The following SFI1 variants were observed in gnomAD, a reference collection of about 807,000 sequenced individuals.
SFI1 encodes the protein protein SFI1 homolog.
In SFI1, 195 loss-of-function variants were observed where a neutral mutation model predicts 207.5. That is an observed-to-expected ratio of 0.94 (90% CI 0.84 to 1.06). The LOEUF is 1.06. Ranked by LOEUF, SFI1 falls within the 50% of genes least tolerant of loss-of-function variation. The pLI, the probability that SFI1 is intolerant of heterozygous loss-of-function variation, is 0.00. For synonymous variants in SFI1, 630 were observed against 598.9 expected (o/e 1.05, Z -0.76); for missense variants, 1,634 against 1,588.0 (o/e 1.03, Z -0.49).
intron 6 of SFI1, among the ~76,000 whole-genome samples, chr22:31,554,946 T>C (rs1325723527): frequency 6.6e-6 from 1 of 152,176 alleles, no homozygotes; most frequent in East Asian, 1.9e-4. Context: ...GAAGTGTGTT[T>C]AGTTTTCTAA....
intron 1 of SFI1, among the ~76,000 whole-genome samples, chr22:31,506,777 A>G (rs964888016): frequency 1.3e-5 from 2 of 152,148 alleles, no homozygotes; most frequent in African/African-American, 4.8e-5. Flanking sequence ...AAAAATAATA[A>G]AATACCTAGG....
At chr22:31,584,775 G>A (rs1334156471) in intron 13 of SFI1, among the ~76,000 whole-genome samples, 1 of 152,030 alleles carries the variant, frequency 6.6e-6, no homozygotes, top group East Asian at 1.9e-4. Context: ...GAAAGTTCAG[G>A]ATATCTAGGG....
At chr22:31,603,038 G>T (rs1165286406) in intron 17 of SFI1, among the ~76,000 whole-genome samples, 4 of 152,192 alleles carry the variant, frequency 2.6e-5, no homozygotes, top group Non-Finnish European at 4.4e-5. Flanking sequence ...TTCGAGACCA[G>T]CCTGACCAAC....
chr22:31,497,954 C>T (rs896999300), intron 1 of SFI1, among the ~76,000 whole-genome samples: 4 of 152,172 alleles, frequency 2.6e-5, no homozygotes, highest in African/African-American at 9.7e-5. Context: ...CATTCTATAG[C>T]CCATGGTTCA....
chr22:31,582,202 CATTTTATATATA>C lies in SFI1; in HGVS notation c.1249-1672_1249-1661del, dbSNP rs1417237290. Reference sequence around the variant, plus strand: ...TTCCCCCAACAACACTTCTTTATTACATTTTATATATATATATATATATATATATATATATTT... The same window carrying C: ...TTCCCCCAACAACACTTCTTTATTACTATATATATATATATATATATATTT... On this transcript the variant is annotated intron_variant, in intron 12 of 32. Transcript: ENST00000400288. 4.8e-3 allele frequency among the ~76,000 whole-genome samples: 205 copies of C among 42,420 alleles called. 12 individuals are homozygous for C. Among genetic ancestry groups the C allele is most frequent in the Non-Finnish European group, 6.0e-3 (151 of 25,260 alleles). The allele number at this position is 42,420 out of a possible 152,430, so 27.8% of individuals were successfully genotyped here.
At chr22:31,586,010 A>G (rs988794335) in intron 14 of SFI1, among the ~76,000 whole-genome samples, 16 of 151,994 alleles carry the variant, frequency 1.1e-4, no homozygotes, top group African/African-American at 3.9e-4. Flanking sequence ...CTAGTTCCCT[A>G]TAGTTTGGGG....
At chr22:31,528,464 G>A (rs2058148199) in intron 2 of SFI1, among the ~76,000 whole-genome samples, 1 of 152,126 alleles carries the variant, frequency 6.6e-6, no homozygotes, top group Non-Finnish European at 1.5e-5. Context: ...ACTCCAGGGG[G>A]TGCCCTCCAG....
At chr22:31,522,064 C>CTTTTTTTT (rs752422385) in intron 2 of SFI1, among the ~76,000 whole-genome samples, 1 of 76,362 alleles carries the variant, frequency 1.3e-5, no homozygotes, top group Non-Finnish European at 2.4e-5. Context: ...TACACCTGGC[C>CTTTTTTTT]TTTTTTTTTT....
intron 7 of SFI1, among the ~76,000 whole-genome samples, chr22:31,560,723 A>C (rs988480314): frequency 1.2e-4 from 12 of 102,756 alleles, no homozygotes; most frequent in African/African-American, 4.3e-4. Context: ...TTTTCCCGAG[A>C]TGGAGTCTCA....
intron 10 of SFI1, among the ~76,000 whole-genome samples, chr22:31,576,027 CT>C (rs543573453): frequency 1.8e-3 from 258 of 142,042 alleles, no homozygotes; most frequent in Middle Eastern, 3.6e-3. Context: ...TGTACATATT[CT>C]TTTTTTTTTT....
rs1022314382 is a variant in SFI1, at chr22:31,496,647, C to T, written c.-31+10C>T. ...GGCTCGGCTTCCCCAGGTACGAGGC[C>T]CGGCCCTAACGTCCCCACCCTCTTC... is the stretch of plus-strand genomic sequence containing the variant. On this transcript the variant is annotated intron_variant, in intron 1 of 32. Transcript: ENST00000400288. The T allele has an allele frequency of 2.0e-5, 3 of 152,302 alleles. No individual in the cohort carries two copies. The highest frequency in any genetic ancestry group is 4.4e-5 in the Non-Finnish European group (3 of 68,098). The allele number at this position is 152,302 out of a possible 1,614,324, so 9.4% of individuals were successfully genotyped here. A position where few individuals can be genotyped will look rare whatever the true frequency, so the allele number is the denominator to read the frequency against.
chr22:31,597,332 G>T (rs1400544168), intron 15 of SFI1, among the ~76,000 whole-genome samples: 1 of 152,200 alleles, frequency 6.6e-6, no homozygotes, highest in Non-Finnish European at 1.5e-5. Flanking sequence ...GCAGGACGGT[G>T]TAGGCCTGAT....
At chr22:31,618,283 C>T (rs756928955) in intron 32 of SFI1, 31 bp from the exon 33 acceptor site, 2 of 1,605,178 alleles carry the variant, frequency 1.2e-6, no homozygotes, top group Non-Finnish European at 1.7e-6. Flanking sequence ...TGTGCTCCCT[C>T]TCAGCCCTGC....
At chr22:31,510,411 G>GT (rs1373563598) in intron 2 of SFI1, among the ~76,000 whole-genome samples, 3 of 151,662 alleles carry the variant, frequency 2.0e-5, no homozygotes, top group African/African-American at 7.3e-5. Context: ...ACTTGTTAGA[G>GT]ATCTATTAGG....
intron 2 of SFI1, among the ~76,000 whole-genome samples, chr22:31,522,986 T>C (rs1437844261): frequency 6.6e-6 from 1 of 152,178 alleles, no homozygotes; most frequent in Non-Finnish European, 1.5e-5. Flanking sequence ...AATATTCCAT[T>C]GTGAACTGTA....
At position 31,611,224 on chromosome 22, in the gene SFI1, T is replaced by G. The variant is rs1414400617; in HGVS notation, c.2336T>G (p.Val779Gly). ...CAGAGACTGCAGCTGGAGAGGGCAG[T>G]GCAACACCACCACCGGCAGCTGCTG... Reference protein sequence around the residue: ...AQQRLQLERAVQHHHRQLLLE... With the variant: ...AQQRLQLERAGQHHHRQLLLE... The change falls in exon 23 of 33, where the codon GTG becomes GGG. Residue 779 changes from valine (V) to glycine (G), a missense_variant. Coordinates refer to ENST00000400288, the MANE Select transcript of SFI1 (RefSeq NM_001007467.3). 2 of 1,613,732 alleles carry G rather than the reference T, an allele frequency of 1.2e-6. No individual in the cohort carries two copies. The highest frequency in any genetic ancestry group is 1.3e-5 in the African/African-American group (1 of 74,898).
intron 29 of SFI1, 145 bp from the exon 30 acceptor site, chr22:31,616,600 C>T (rs1039086312): frequency 9.6e-6 from 8 of 830,526 alleles, no homozygotes; most frequent in Non-Finnish European, 1.5e-5. Flanking sequence ...CTGGCACGGC[C>T]AGTGCCTGGG....
chr22:31,593,801 C>T (rs866245834), intron 15 of SFI1, among the ~76,000 whole-genome samples: 1,606 of 149,378 alleles, frequency 0.011, 8 homozygotes, highest in Middle Eastern at 0.031. Context: ...GGAGACCGGC[C>T]CGGCCAACAC....
At chr22:31,533,028 G>A (rs140136771) in intron 4 of SFI1, among the ~76,000 whole-genome samples, 256 of 152,238 alleles carry the variant, frequency 1.7e-3, no homozygotes, top group Non-Finnish European at 2.8e-3. Context: ...AAATAGAGGC[G>A]TTAACATGAT....
Sources: gnomAD v4.1 joint callset for allele counts (sites outside exome capture counted in the v4.1 genomes callset) on GRCh38, gnomAD v4.1.1 for gene constraint, MANE v1.5 for transcripts, NCBI Gene and HGNC (gene_info 2026-07-23, HGNC 2026-07-21) for gene names.